DYNC2H1: variants seen among roughly 807,000 people sequenced by gnomAD.
The protein encoded by DYNC2H1 is cytoplasmic dynein 2 heavy chain 1.
A neutral mutation model predicts 570.0 loss-of-function variants in DYNC2H1; 410 were observed. The observed-to-expected ratio is 0.72, with a 90% confidence interval of 0.66 to 0.78. The LOEUF is 0.78. Ranked by LOEUF, DYNC2H1 falls within the 30% of genes least tolerant of loss-of-function variation. The pLI is 0.00. For missense variants in DYNC2H1, 4,865 were observed against 5,046.4 expected, an observed-to-expected ratio of 0.96 and a Z score of 1.09; for synonymous variants, 1,688 against 1,677.6, an observed-to-expected ratio of 1.01 and a Z score of -0.15.
chr11:103,172,962 A>T, intron 34 of DYNC2H1, 120 bp from the exon 35 acceptor site: 1 of 455,494 alleles, frequency 2.2e-6, no homozygotes, highest in Non-Finnish European at 3.2e-6. Context: ...ATATGTCACA[A>T]TAAAATTCTG....
In DYNC2H1 at chr11:103,410,172, G is replaced by T. The variant is rs567566499; in HGVS notation, c.12366+10300G>T. Among the ~76,000 whole-genome samples, 11 of 152,166 alleles carry T rather than the reference G, an allele frequency of 7.2e-5. 1 individual carries two copies. Among genetic ancestry groups the T allele is most frequent in the Middle Eastern group, 3.4e-3 (1 of 294 alleles). On this transcript the variant is annotated intron_variant, in intron 84 of 88. Coordinates refer to ENST00000375735, the MANE Select transcript of DYNC2H1 (RefSeq NM_001377.3). ...TATCTCCTCTATACGTGTGTAGAGAGATTTTAGTAATAGGGATTTCTAGAA... is the reference window on the plus strand; with the variant it reads ...TATCTCCTCTATACGTGTGTAGAGATATTTTAGTAATAGGGATTTCTAGAA...
chr11:103,115,530 A>G lies in DYNC2H1; in HGVS notation c.621+235A>G, dbSNP rs2435928. On this transcript the variant is annotated intron_variant, in intron 4 of 88. Transcript: ENST00000375735. ...AACAAAATTACGCCTGGGCATGGTG[A>G]CTCACACCTGTAATCCCAGCACTTT... Among the ~76,000 whole-genome samples the G allele has an allele frequency of 0.32, 47,955 of 152,024 alleles. 8,416 individuals are homozygous for G. The highest frequency in any genetic ancestry group is 0.48 in the African/African-American group (19,963 of 41,456).
Position 103,457,942 on chromosome 11 carries a change from T to A in DYNC2H1, c.12648+1586T>A, listed in dbSNP as rs148607050. Reference sequence around the variant, plus strand: ...TAGCTTAAAACATAAACACGAGATGTGTAAAAAATTAAAAGTATAAAATAA... The same window carrying A: ...TAGCTTAAAACATAAACACGAGATGAGTAAAAAATTAAAAGTATAAAATAA... On this transcript the variant is annotated intron_variant, in intron 87 of 88. Coordinates refer to ENST00000375735, the MANE Select transcript of DYNC2H1 (RefSeq NM_001377.3). 1.2e-4 allele frequency among the ~76,000 whole-genome samples: 18 copies of A among 152,338 alleles called. No individual in the cohort carries two copies. The East Asian group carries it at 3.5e-3, about 29-fold the overall frequency.
intron 17 of DYNC2H1, among the ~76,000 whole-genome samples, chr11:103,140,719 T>A (rs2134813354): frequency 6.6e-6 from 1 of 152,304 alleles, no homozygotes; most frequent in Admixed American, 6.5e-5. Context: ...CTTTGTGACA[T>A]TCTCTGTATT....
At chr11:103,340,678 C>G (rs1192439433) in intron 82 of DYNC2H1, among the ~76,000 whole-genome samples, 1 of 151,994 alleles carries the variant, frequency 6.6e-6, no homozygotes. Context: ...ACCTTGGTAC[C>G]TGGATATCTG....
At chr11:103,388,370 C>T (rs1207332901) in intron 83 of DYNC2H1, among the ~76,000 whole-genome samples, 1 of 152,176 alleles carries the variant, frequency 6.6e-6, no homozygotes, top group Non-Finnish European at 1.5e-5. Flanking sequence ...TGAGACTTTG[C>T]TGAAGTTGCT....
chr11:103,168,774 T>C lies in DYNC2H1; in HGVS notation c.4782T>C (p.Leu1594=), dbSNP rs1312476129. 1 of 1,612,878 alleles carries C rather than the reference T, an allele frequency of 6.2e-7. No individual in the cohort carries two copies. Among genetic ancestry groups the C allele is most frequent in the Admixed American group, 1.7e-5 (1 of 59,952 alleles). ...GCCTAGAATCGGGCATCCTGGAGCT[T>C]AAACTTAAAGCCCTAATTCTTGACA... The part of the protein sequence containing the change: ...PGNTESGILE[L]KLKALILDII... The change falls in exon 32 of 89, where the codon CTT becomes CTC. Residue 1594 remains leucine, a synonymous_variant. Transcript: ENST00000375735.
chr11:103,158,514 A>C (rs1385397668), intron 26 of DYNC2H1, among the ~76,000 whole-genome samples, 163 bp from the exon 27 acceptor site: 1 of 152,156 alleles, frequency 6.6e-6, no homozygotes, highest in Non-Finnish European at 1.5e-5. Context: ...AGAAGTTAAA[A>C]ATGATAGTGT....
rs1859359486 is a variant in DYNC2H1, at chr11:103,133,125, T to A, written c.1954-430T>A. ...TGTGTATTGCTAAAAATGTTTTCTC[T>A]TGTTAGGCTGCTGTTTTCCTAGCCC... On this transcript the variant is annotated intron_variant, in intron 13 of 88. Coordinates refer to ENST00000375735, the MANE Select transcript of DYNC2H1 (RefSeq NM_001377.3). The surrounding 1 kb of genome is among the most constrained non-coding windows in gnomAD (Gnocchi z 4.8). Among the ~76,000 whole-genome samples the A allele has an allele frequency of 1.3e-5, 2 of 152,194 alleles. No individual in the cohort carries two copies. The highest frequency in any genetic ancestry group is 1.3e-4 in the Admixed American group (2 of 15,280).
intron 84 of DYNC2H1, among the ~76,000 whole-genome samples, chr11:103,426,985 A>G (rs1356349341): frequency 6.6e-6 from 1 of 152,210 alleles, no homozygotes; most frequent in Non-Finnish European, 1.5e-5. Context: ...CTCATTTAAC[A>G]TGGTTAGTGT....
At chr11:103,155,780 A>G (rs1860790179) in intron 25 of DYNC2H1, among the ~76,000 whole-genome samples, 1 of 152,180 alleles carries the variant, frequency 6.6e-6, no homozygotes, top group African/African-American at 2.4e-5. Context: ...AGTTGTCACA[A>G]TTTATTACAA....
chr11:103,111,676 A>G, intron 1 of DYNC2H1, among the ~76,000 whole-genome samples: 1 of 152,224 alleles, frequency 6.6e-6, no homozygotes, highest in East Asian at 1.9e-4. Flanking sequence ...GGTATTTGAA[A>G]GTTGAAGGTA....
intron 54 of DYNC2H1, among the ~76,000 whole-genome samples, chr11:103,213,618 T>C (rs1863247913): frequency 1.7e-5 from 1 of 57,848 alleles, no homozygotes; most frequent in Admixed American, 2.5e-4. Context: ...TGGCCATTTG[T>C]GTGTCTTTTA....
chr11:103,141,181 C>T (rs1406719891), intron 17 of DYNC2H1, among the ~76,000 whole-genome samples: 1 of 152,110 alleles, frequency 6.6e-6, no homozygotes, highest in African/African-American at 2.4e-5. Flanking sequence ...GTAATTTGAT[C>T]GTCTGAAGCC....
In DYNC2H1 at chr11:103,259,897, A is replaced by G; in HGVS notation, c.10615A>G (p.Asn3539Asp). Residue 3539 changes from asparagine to aspartate, a missense_variant, in exon 70 of 89, where the codon AAT becomes GAT. By Grantham distance (23) the Asn-to-Asp change is conservative. This residue lies in a region of DYNC2H1 where 2,401 missense variants were observed against 2,454.6 expected (regional missense o/e 0.98). Transcript: ENST00000375735. ...RALQNKQDSE[N>D]TEQRIQSLIS... The stretch of plus-strand genomic sequence containing the variant: ...CAATTATAATCTACAGGATTCTGAA[A>G]ATACAGAACAGAGAATCCAGTCACT... 6.5e-7 allele frequency: 1 copy of G among 1,530,450 alleles called. No individual in the cohort carries two copies. Among genetic ancestry groups the G allele is most frequent in the Non-Finnish European group, 8.8e-7 (1 of 1,136,496 alleles). The allele number at this position is 1,530,450 out of a possible 1,614,324, so 94.8% of individuals were successfully genotyped here.
rs752356490 is a variant in DYNC2H1, at chr11:103,203,628, A to T, written c.8198-35A>T. The T allele has an allele frequency of 4.4e-6, 6 of 1,350,064 alleles. No homozygotes were observed. Among genetic ancestry groups the T allele is most frequent in the Non-Finnish European group, 6.1e-6 (6 of 980,518 alleles). The allele number at this position is 1,350,064 out of a possible 1,614,324, so 83.6% of individuals were successfully genotyped here. A position where few individuals can be genotyped will look rare whatever the true frequency, so the allele number is the denominator to read the frequency against. On this transcript the variant is annotated intron_variant, in intron 50 of 88. Transcript: ENST00000375735. This position sits in a 1 kb window ranked among gnomAD's most constrained non-coding sequence, Gnocchi z 4.7. ...AAAAATTGAAAAAGCATCATTTATTAAAATGTTTTCAATTAGTCTAATATT... is the reference window on the plus strand; with the variant it reads ...AAAAATTGAAAAAGCATCATTTATTTAAATGTTTTCAATTAGTCTAATATT...
intron 77 of DYNC2H1, among the ~76,000 whole-genome samples, chr11:103,306,651 T>C (rs1175680261): frequency 6.6e-6 from 1 of 152,176 alleles, no homozygotes; most frequent in Non-Finnish European, 1.5e-5. Flanking sequence ...TTTAGGGCCA[T>C]TCTTTTGTCA....
intron 45 of DYNC2H1, among the ~76,000 whole-genome samples, chr11:103,190,164 T>C (rs565170797): frequency 9.8e-5 from 15 of 152,340 alleles, no homozygotes; most frequent in African/African-American, 2.9e-4. Flanking sequence ...GCTTCAAACC[T>C]GCAAGCAGTC....
chr11:103,277,506 C>T lies in DYNC2H1; in HGVS notation c.10696-2842C>T, dbSNP rs182418450. 5.4e-4 allele frequency among the ~76,000 whole-genome samples: 82 copies of T among 152,230 alleles called. 4 individuals carry two copies. The highest frequency in any genetic ancestry group is 4.6e-3 in the Admixed American group (71 of 15,272). On this transcript the variant is annotated intron_variant, in intron 70 of 88. Coordinates refer to ENST00000375735, the MANE Select transcript of DYNC2H1 (RefSeq NM_001377.3). The surrounding 1 kb of genome is among the most constrained non-coding windows in gnomAD (Gnocchi z 4.3). ...TATTTAATGATACTTGTATTAGAGT[C>T]TCTTTCAGATTGTTCTATTATCTGA...
Sources: gnomAD v4.1 joint callset for allele counts (sites outside exome capture counted in the v4.1 genomes callset) on GRCh38, gnomAD v4.1.1 for gene constraint, gnomAD v4.1.1 regional missense constraint, Gnocchi (gnomAD v3.1) non-coding constraint, MANE v1.5 for transcripts, NCBI Gene and HGNC (gene_info 2026-07-23, HGNC 2026-07-21) for gene names.